The following RIN2 variants were observed in gnomAD, a reference collection of about 807,000 sequenced individuals.
RIN2 encodes the protein Ras and Rab interactor 2, also known as RAB5 interacting protein 2.
RIN2 carries 36 observed loss-of-function variants against 78.0 expected under a neutral mutation model. The observed-to-expected ratio is 0.46, with a 90% CI of 0.35 to 0.61. The LOEUF is 0.61. Among genes scored for constraint, RIN2 ranks in the 20% least tolerant of loss-of-function variants. RIN2 has a pLI of 0.00. For missense variants in RIN2, 1,087 were observed against 1,159.7 expected, an observed-to-expected ratio of 0.94 and a Z score of 0.91; for synonymous variants, 466 against 466.8, an observed-to-expected ratio of 1.00 and a Z score of 0.02.
intron 3 of RIN2, among the ~76,000 whole-genome samples, chr20:19,928,982 T>C (rs1489155708): frequency 6.6e-6 from 1 of 152,180 alleles, no homozygotes; most frequent in Non-Finnish European, 1.5e-5. Flanking sequence ...GGCTATCCCT[T>C]GGGTTGGGGT....
At chr20:19,894,793 T>A (rs1047904984) in intron 3 of RIN2, among the ~76,000 whole-genome samples, 1 of 152,178 alleles carries the variant, frequency 6.6e-6, no homozygotes, top group East Asian at 1.9e-4. Context: ...TCTTCCATTG[T>A]GGGCATTATA....
intron 1 of RIN2, among the ~76,000 whole-genome samples, chr20:19,795,061 A>G (rs1414923448): frequency 6.6e-6 from 1 of 152,206 alleles, no homozygotes; most frequent in African/African-American, 2.4e-5. Context: ...TAACCCATTT[A>G]AAACACAGGC....
chr20:19,896,421 AG>A (rs1467316280), intron 3 of RIN2, among the ~76,000 whole-genome samples: 2 of 152,094 alleles, frequency 1.3e-5, no homozygotes, highest in African/African-American at 4.8e-5. Context: ...AACTCCTGCT[AG>A]TCAGTAATTT....
rs1349501066 is a variant in RIN2 at position 20,002,122 on chromosome 20, T to C, written c.*1186T>C. 6.6e-6 allele frequency: 1 copy of C among 152,160 alleles called. No individual in the cohort carries two copies. 9.4% of individuals were successfully genotyped at this position (152,160 alleles called of 1,614,324 possible). A position where few individuals can be genotyped will look rare whatever the true frequency, so the allele number is the denominator to read the frequency against. On this transcript the variant is annotated 3_prime_UTR_variant, in exon 13 of 13. Coordinates refer to ENST00000255006, the MANE Select transcript of RIN2 (RefSeq NM_018993.4). ...TATATAATGGAGAAGAATTTGAAAA[T>C]GCACAAAAAAATCAATCTACATTAT...
chr20:19,995,893 T>G (rs1025666994), intron 11 of RIN2, among the ~76,000 whole-genome samples: 16 of 152,166 alleles, frequency 1.1e-4, no homozygotes, highest in African/African-American at 3.6e-4. Context: ...AGAGCAAGTG[T>G]TGCCACGAGT....
chr20:19,806,376 G>C (rs2035410027), intron 2 of RIN2, among the ~76,000 whole-genome samples: 1 of 152,158 alleles, frequency 6.6e-6, no homozygotes, highest in Admixed American at 6.5e-5. Flanking sequence ...ATCCTCTCCA[G>C]CATCTGTTGT....
At chr20:19,814,321 C>G (rs1400305575) in intron 2 of RIN2, among the ~76,000 whole-genome samples, 4 of 152,158 alleles carry the variant, frequency 2.6e-5, no homozygotes, top group Non-Finnish European at 4.4e-5. Flanking sequence ...GTGTTTGGAC[C>G]CATGTTTGGT....
At chr20:19,972,766 G>C (rs1339733820) in intron 8 of RIN2, among the ~76,000 whole-genome samples, 1 of 152,192 alleles carries the variant, frequency 6.6e-6, no homozygotes, top group Non-Finnish European at 1.5e-5. Flanking sequence ...AGCTGTGACA[G>C]TATAAGTCTA....
At chr20:19,863,645 C>T (rs1284520654) in intron 2 of RIN2, among the ~76,000 whole-genome samples, 1 of 152,190 alleles carries the variant, frequency 6.6e-6, no homozygotes, top group East Asian at 1.9e-4. Context: ...TTCCCATTCA[C>T]CTATCAGTAT....
At chr20:19,967,742 G>A (rs912817408) in intron 7 of RIN2, among the ~76,000 whole-genome samples, 1 of 152,168 alleles carries the variant, frequency 6.6e-6, no homozygotes, top group South Asian at 2.1e-4. Context: ...TGGGTCTGGG[G>A]TGGTACCTGA....
rs2042750268 is a variant in RIN2 at position 19,990,173 on chromosome 20, C to T, written c.1930C>T (p.Pro644Ser). 1 of 1,605,696 alleles carries T rather than the reference C, an allele frequency of 6.2e-7. No individual in the cohort carries two copies. The highest frequency in any genetic ancestry group is 2.2e-5 in the East Asian group (1 of 44,592). The change falls in exon 10 of 13, where the codon CCG becomes TCG. Residue 644 changes from proline (P) to serine (S), a missense_variant. This residue lies in a region of RIN2 where 97 missense variants were observed against 104.8 expected (regional missense o/e 0.93). Coordinates refer to ENST00000255006, the MANE Select transcript of RIN2 (RefSeq NM_018993.4). ...RNPQELGVFA[P>S]TPDFVDVEKI... ...TCCGCAGGAGCTGGGGGTCTTCGCCCCGACCCCTGATTTTGTGGATGTGGA... is the reference window on the plus strand; with the variant it reads ...TCCGCAGGAGCTGGGGGTCTTCGCCTCGACCCCTGATTTTGTGGATGTGGA...
intron 1 of RIN2, among the ~76,000 whole-genome samples, chr20:19,778,094 A>T (rs2034373971): frequency 6.6e-6 from 1 of 152,264 alleles, no homozygotes; most frequent in South Asian, 2.1e-4. Context: ...AAGTCCCCTG[A>T]TACAGAAGAG....
intron 1 of RIN2, among the ~76,000 whole-genome samples, chr20:19,789,909 C>A (rs2034836578): frequency 6.6e-6 from 1 of 152,218 alleles, no homozygotes; most frequent in Non-Finnish European, 1.5e-5. Context: ...TCTAATTCCA[C>A]TCACATGACA....
chr20:19,941,765 T>C (rs992650692), intron 4 of RIN2, among the ~76,000 whole-genome samples: 2 of 152,014 alleles, frequency 1.3e-5, no homozygotes, highest in African/African-American at 4.8e-5. Context: ...TCTATGAGGG[T>C]TGACCAACTC....
chr20:19,909,271 CTCCG>C (rs1377637344), intron 3 of RIN2, among the ~76,000 whole-genome samples: 1 of 152,130 alleles, frequency 6.6e-6, no homozygotes, highest in Non-Finnish European at 1.5e-5. Context: ...TCGTTGTCTC[CTCCG>C]TCCCATCATT....
At chr20:19,991,295 AGT>A (rs1172071650) in intron 10 of RIN2, among the ~76,000 whole-genome samples, 1 of 152,242 alleles carries the variant, frequency 6.6e-6, no homozygotes, top group African/African-American at 2.4e-5. Flanking sequence ...TATTTTCTAT[AGT>A]TCACAGTTAT....
At chr20:19,774,439 C>T (rs183065508) in intron 1 of RIN2, among the ~76,000 whole-genome samples, 249 of 152,130 alleles carry the variant, frequency 1.6e-3, no homozygotes, top group African/African-American at 5.3e-3. Flanking sequence ...AGAGAAGAAG[C>T]GGGAAAAAGA....
Position 19,915,758 on chromosome 20 carries a change from T to A in RIN2, c.58-19341T>A, listed in dbSNP as rs182284356. On this transcript the variant is annotated intron_variant, in intron 3 of 12. Transcript: ENST00000255006. ...AATTCCCTTTTCATACCCACTCTGC[T>A]CTCTTCCTTCCCTAAACCAACTCTA... 8.9e-4 allele frequency among the ~76,000 whole-genome samples: 135 copies of A among 152,328 alleles called. 1 individual carries two copies. The highest frequency in any genetic ancestry group is 3.1e-3 in the African/African-American group (130 of 41,582).
intron 4 of RIN2, among the ~76,000 whole-genome samples, chr20:19,940,174 C>A (rs1395702219): frequency 6.6e-6 from 1 of 152,154 alleles, no homozygotes; most frequent in Non-Finnish European, 1.5e-5. Context: ...TCCTGCCTCC[C>A]ACCACTAGAA....
Sources: allele counts gnomAD v4.1 joint callset (sites outside exome capture counted in the v4.1 genomes callset), GRCh38; gene constraint gnomAD v4.1.1; regional missense constraint gnomAD v4.1.1; transcripts MANE v1.5; gene names NCBI Gene and HGNC (gene_info 2026-07-23, HGNC 2026-07-21).